Variants in CDH12 observed in about 807,000 individuals in gnomAD.
CDH12 encodes cadherin-12.
A neutral mutation model predicts 74.1 loss-of-function variants in CDH12; 41 were observed. The ratio of observed to expected loss-of-function variants is 0.55; its 90% CI spans 0.43 to 0.72. CDH12 has a LOEUF of 0.72. CDH12 is among the 30% of genes least tolerant of loss of function. The pLI, the probability that CDH12 is intolerant of heterozygous loss-of-function variation, is 0.00. For missense variants in CDH12, 945 were observed against 977.2 expected (o/e 0.97, Z 0.44); for synonymous variants, 399 against 355.0 (o/e 1.12, Z -1.39).
intron 2 of CDH12, among the ~76,000 whole-genome samples, chr5:22,454,694 C>T (rs567658377): frequency 6.6e-6 from 1 of 152,078 alleles, no homozygotes; most frequent in African/African-American, 2.4e-5. Context: ...AGGCTAGTCT[C>T]GAACTCCTGT....
At chr5:21,974,181 T>C (rs183211193) in intron 6 of CDH12, among the ~76,000 whole-genome samples, 2,004 of 152,218 alleles carry the variant, frequency 0.013, 14 homozygotes, top group African/African-American at 0.024. Flanking sequence ...CCCTGGGTCA[T>C]GTCAGATTTA....
chr5:22,153,110 C>T (rs1359660054), intron 4 of CDH12, among the ~76,000 whole-genome samples: 2 of 151,332 alleles, frequency 1.3e-5, no homozygotes, highest in African/African-American at 4.9e-5. Context: ...ATTTATTTTT[C>T]TTTGGATATA....
At chr5:22,192,107 T>C (rs1327545943) in intron 4 of CDH12, among the ~76,000 whole-genome samples, 2 of 151,660 alleles carry the variant, frequency 1.3e-5, no homozygotes, top group Admixed American at 6.6e-5. Context: ...CTAATTTTTG[T>C]TTTTTTGGTA....
chr5:22,399,930 A>G (rs1396106824), intron 3 of CDH12, among the ~76,000 whole-genome samples: 1 of 152,158 alleles, frequency 6.6e-6, no homozygotes, highest in Non-Finnish European at 1.5e-5. Flanking sequence ...CTTAAAATAT[A>G]ATAATATTTG....
intron 1 of CDH12, among the ~76,000 whole-genome samples, chr5:22,736,031 T>G (rs1744701124): frequency 6.6e-6 from 1 of 151,848 alleles, no homozygotes; most frequent in South Asian, 2.1e-4. Flanking sequence ...ATCTAACAAT[T>G]ATTTGACCAT....
intron 1 of CDH12, among the ~76,000 whole-genome samples, chr5:22,848,989 G>GTT (rs149955739): frequency 3.6e-4 from 53 of 147,756 alleles, no homozygotes; most frequent in East Asian, 5.9e-4. Context: ...ATCAAAAAAT[G>GTT]TTTTTTTTTT....
chr5:22,687,772 T>C (rs1253152752), intron 1 of CDH12, among the ~76,000 whole-genome samples: 1 of 152,196 alleles, frequency 6.6e-6, no homozygotes, highest in East Asian at 1.9e-4. Context: ...TTTATTCATT[T>C]GTATATTAAA....
At chr5:21,912,268 A>G (rs1239246453) in intron 6 of CDH12, among the ~76,000 whole-genome samples, 1 of 152,182 alleles carries the variant, frequency 6.6e-6, no homozygotes, top group African/African-American at 2.4e-5. Context: ...TGAAAACAAA[A>G]TGAGAAACAG....
intron 5 of CDH12, among the ~76,000 whole-genome samples, chr5:22,046,430 C>CTTTTTT (rs11323330): frequency 3.6e-4 from 36 of 100,370 alleles, no homozygotes; most frequent in African/African-American, 8.1e-4. Flanking sequence ...CATTTAATTT[C>CTTTTTT]TTTTTTTTTT....
Position 22,599,567 on chromosome 5 carries a change from C to T in CDH12, c.-522-94203G>A, listed in dbSNP as rs138715990. Among the ~76,000 whole-genome samples the T allele has an allele frequency of 4.9e-3, 742 of 151,720 alleles. 6 individuals carry two copies. The highest frequency in any genetic ancestry group is 0.017 in the African/African-American group (698 of 41,390). On this transcript the variant is annotated intron_variant, in intron 1 of 14. Transcript: ENST00000382254. ...TGGATATAGAAGGTATTTTCATTTT[C>T]ACCAACTCTGTAAAAAAAAAAACTA... is the stretch of plus-strand genomic sequence containing the variant.
chr5:22,293,111 T>C (rs1737468415), intron 3 of CDH12, among the ~76,000 whole-genome samples: 1 of 152,154 alleles, frequency 6.6e-6, no homozygotes. Context: ...TGTTCCTTAT[T>C]TGGCACCCTT....
At chr5:22,377,542 C>T (rs966368876) in intron 3 of CDH12, among the ~76,000 whole-genome samples, 2 of 152,106 alleles carry the variant, frequency 1.3e-5, no homozygotes, top group African/African-American at 4.8e-5. Context: ...GAGCCTGACT[C>T]TTATTGAACC....
chr5:22,270,391 C>T (rs954567731), intron 3 of CDH12, among the ~76,000 whole-genome samples: 6 of 151,858 alleles, frequency 4.0e-5, no homozygotes, highest in South Asian at 2.1e-4. Context: ...GTCTGGAGAT[C>T]GAGACCATCC....
At chr5:22,725,608 T>C (rs1177458071) in intron 1 of CDH12, among the ~76,000 whole-genome samples, 2 of 151,420 alleles carry the variant, frequency 1.3e-5, no homozygotes, top group Non-Finnish European at 3.0e-5. Flanking sequence ...TTTTTATATA[T>C]ATAAGGACAC....
chr5:21,758,895 C>G (rs1744555048), intron 13 of CDH12, among the ~76,000 whole-genome samples: 1 of 152,026 alleles, frequency 6.6e-6, no homozygotes, highest in African/African-American at 2.4e-5. Flanking sequence ...TATACTCTTA[C>G]TTATAAAAGG....
At chr5:22,392,814 T>C (rs778553023) in intron 3 of CDH12, among the ~76,000 whole-genome samples, 12 of 152,166 alleles carry the variant, frequency 7.9e-5, no homozygotes, top group Non-Finnish European at 1.8e-4. Context: ...TTTACAAAGA[T>C]AGATAGAGTA....
chr5:22,716,527 C>T (rs1743586591), intron 1 of CDH12, among the ~76,000 whole-genome samples: 1 of 151,768 alleles, frequency 6.6e-6, no homozygotes, highest in South Asian at 2.1e-4. Context: ...ATAATTCTAT[C>T]ATTGGTTTTT....
At chr5:22,806,275 A>G (rs1748781112) in intron 1 of CDH12, among the ~76,000 whole-genome samples, 1 of 151,982 alleles carries the variant, frequency 6.6e-6, no homozygotes, top group East Asian at 1.9e-4. Context: ...ACTCCCATCA[A>G]CAGTGTAAAA....
chr5:22,021,832 C>A (rs958740080), intron 5 of CDH12, among the ~76,000 whole-genome samples: 1 of 152,034 alleles, frequency 6.6e-6, no homozygotes, highest in Non-Finnish European at 1.5e-5. Flanking sequence ...ATGTGGCTGT[C>A]CACATTATTT....
Sources: gnomAD v4.1 joint callset for allele counts (sites outside exome capture counted in the v4.1 genomes callset) on GRCh38, gnomAD v4.1.1 for gene constraint, MANE v1.5 for transcripts, NCBI Gene and HGNC (gene_info 2026-07-23, HGNC 2026-07-21) for gene names.